The following NTM variants were observed in gnomAD, a reference collection of about 807,000 sequenced individuals.
The protein encoded by NTM is neurotrimin.
A neutral mutation model predicts 42.1 loss-of-function variants in NTM; 13 were observed. The ratio of observed to expected loss-of-function variants is 0.31; its 90% confidence interval spans 0.20 to 0.49. The LOEUF (loss-of-function observed/expected upper bound fraction) is 0.49. NTM is among the 20% of genes least tolerant of loss of function. The pLI is 0.99. For synonymous variants in NTM, 187 were observed against 179.2 expected (o/e 1.04, Z -0.35); for missense variants, 373 against 452.8 (o/e 0.82, Z 1.60).
intron 1 of NTM, among the ~76,000 whole-genome samples, chr11:131,851,678 A>G (rs2045574807): frequency 6.6e-6 from 1 of 152,034 alleles, no homozygotes; most frequent in African/African-American, 2.4e-5. Flanking sequence ...TTTTATACAA[A>G]TGCCATTGCA....
chr11:131,637,844 TA>T (rs899825085), intron 1 of NTM, among the ~76,000 whole-genome samples: 1 of 152,106 alleles, frequency 6.6e-6, no homozygotes, highest in African/African-American at 2.4e-5. Flanking sequence ...GATTAGACAT[TA>T]ATTAAAGTTC....
chr11:132,306,441 A>C (rs1281624408), intron 4 of NTM: 1 of 152,194 alleles, frequency 6.6e-6, no homozygotes, highest in Non-Finnish European at 1.5e-5. Flanking sequence ...CTCCAACCAG[A>C]TTATAGGAGT....
chr11:131,717,515 A>G (rs1353164068), intron 1 of NTM, among the ~76,000 whole-genome samples: 1 of 152,224 alleles, frequency 6.6e-6, no homozygotes, highest in Non-Finnish European at 1.5e-5. Context: ...TAAACATTTC[A>G]ATTTCACGTT....
At chr11:131,861,954 C>T (rs2046677886) in intron 1 of NTM, among the ~76,000 whole-genome samples, 2 of 152,172 alleles carry the variant, frequency 1.3e-5, no homozygotes, top group South Asian at 4.2e-4. Flanking sequence ...CATCCAGAGC[C>T]CACTGTTAAA....
chr11:131,663,420 TC>T (rs1204172463), intron 1 of NTM: 1 of 152,332 alleles, frequency 6.6e-6, no homozygotes, highest in Non-Finnish European at 1.5e-5. Flanking sequence ...ACGTTAATCA[TC>T]TTGGGTCCAG....
At chr11:131,631,136 C>T (rs2063614512) in intron 1 of NTM, among the ~76,000 whole-genome samples, 1 of 152,120 alleles carries the variant, frequency 6.6e-6, no homozygotes, top group South Asian at 2.1e-4. Context: ...GGCTCTGGCA[C>T]CTACTAACAA....
At chr11:131,431,088 A>T (rs1948613430) in intron 1 of NTM, among the ~76,000 whole-genome samples, 1 of 152,152 alleles carries the variant, frequency 6.6e-6, no homozygotes, top group South Asian at 2.1e-4. Flanking sequence ...AGTCTTGATT[A>T]GGTTTGCCTT....
In NTM at chr11:132,048,001, CTT is replaced by C. The variant is rs202240833; in HGVS notation, c.168-98270_168-98269del. ...TTCACTTGTAATTAGTTCCTATTAA[CTT>C]TTTTTTTTTTATATAGCTGAGTATG... On this transcript the variant is annotated intron_variant, in intron 2 of 8. Coordinates refer to ENST00000683400, the MANE Select transcript of NTM (RefSeq NM_001352005.2). Among the ~76,000 whole-genome samples, 648 of 147,486 alleles carry C rather than the reference CTT, an allele frequency of 4.4e-3. 1 individual carries two copies. The highest frequency in any genetic ancestry group is 7.9e-3 in the Non-Finnish European group (524 of 66,478).
intron 1 of NTM, among the ~76,000 whole-genome samples, chr11:131,778,756 T>C (rs2087516891): frequency 6.6e-6 from 1 of 152,182 alleles, no homozygotes; most frequent in Non-Finnish European, 1.5e-5. Context: ...AGCTCAATTT[T>C]CCGGTTAACT....
intron 1 of NTM, among the ~76,000 whole-genome samples, chr11:131,375,793 T>C (rs371352414): frequency 8.9e-6 from 1 of 112,152 alleles, no homozygotes; most frequent in Admixed American, 8.4e-5. Flanking sequence ...ATTTTTTCTT[T>C]CATGTATGTA....
chr11:131,749,984 T>G (rs921320567), intron 1 of NTM, among the ~76,000 whole-genome samples: 2 of 152,206 alleles, frequency 1.3e-5, no homozygotes, highest in Non-Finnish European at 1.5e-5. Context: ...GCAGAGTTCC[T>G]GGATGCAGCA....
intron 1 of NTM, among the ~76,000 whole-genome samples, chr11:131,706,894 A>G (rs887349886): frequency 6.6e-6 from 1 of 152,172 alleles, no homozygotes; most frequent in East Asian, 1.9e-4. Context: ...TTTATGAGGT[A>G]CAATGTGATG....
intron 1 of NTM, among the ~76,000 whole-genome samples, chr11:131,547,466 C>T (rs1349465297): frequency 1.3e-5 from 2 of 152,176 alleles, no homozygotes; most frequent in African/African-American, 4.8e-5. Context: ...CCTTCGGTGG[C>T]AGATGCCAGG....
intron 1 of NTM, among the ~76,000 whole-genome samples, chr11:131,687,666 G>A (rs958136877): frequency 6.6e-6 from 1 of 152,198 alleles, no homozygotes; most frequent in Non-Finnish European, 1.5e-5. Context: ...TGCAAGGGAC[G>A]CACCGAAATA....
intron 1 of NTM, among the ~76,000 whole-genome samples, chr11:131,442,052 G>T (rs75718543): frequency 6.6e-6 from 1 of 152,174 alleles, no homozygotes; most frequent in Non-Finnish European, 1.5e-5. Flanking sequence ...TGTTCAATTG[G>T]AATGATATCT....
chr11:132,186,127 G>A (rs935016158), intron 3 of NTM, among the ~76,000 whole-genome samples: 5 of 152,156 alleles, frequency 3.3e-5, no homozygotes, highest in Non-Finnish European at 5.9e-5. Context: ...TGCTAAAGAC[G>A]GAAAGAAAGA....
At chr11:132,195,441 T>A (rs1395899763) in intron 3 of NTM, among the ~76,000 whole-genome samples, 9 of 142,874 alleles carry the variant, frequency 6.3e-5, no homozygotes, top group South Asian at 2.2e-4. Flanking sequence ...AATTAGAAAA[T>A]AAAAACTGTA....
intron 2 of NTM, among the ~76,000 whole-genome samples, chr11:131,948,191 C>G (rs1229329358): frequency 6.6e-6 from 1 of 151,716 alleles, no homozygotes; most frequent in Non-Finnish European, 1.5e-5. Flanking sequence ...GAAACCCCGT[C>G]TCTACTAAAA....
chr11:131,535,654 G>A (rs2052063379), intron 1 of NTM: 1 of 152,188 alleles, frequency 6.6e-6, no homozygotes, highest in African/African-American at 2.4e-5. Context: ...TACCCCAAGA[G>A]GAGCTTAGCA....
Sources: allele counts gnomAD v4.1 joint callset (sites outside exome capture counted in the v4.1 genomes callset), GRCh38; gene constraint gnomAD v4.1.1; transcripts MANE v1.5; gene names NCBI Gene and HGNC (gene_info 2026-07-23, HGNC 2026-07-21).